The following RPP30 variants were observed in gnomAD, a reference collection of about 807,000 sequenced individuals.
The protein encoded by RPP30 is ribonuclease P/MRP subunit p30.
Under a neutral mutation model 38.6 loss-of-function variants are expected in RPP30, and 36 were observed. The ratio of observed to expected loss-of-function variants is 0.93; its 90% confidence interval spans 0.71 to 1.23. The LOEUF is 1.23. RPP30 is among the 50% of genes most tolerant of loss of function. RPP30 has a pLI of 0.00. For missense variants in RPP30, 321 were observed against 321.7 expected (o/e 1.00, Z 0.02); for synonymous variants, 126 against 112.7 (o/e 1.12, Z -0.75).
At chr10:90,889,008 G>C (rs550725434) in intron 6 of RPP30, among the ~76,000 whole-genome samples, 5 of 152,262 alleles carry the variant, frequency 3.3e-5, no homozygotes, top group African/African-American at 1.2e-4. Flanking sequence ...GGAAGCAGAA[G>C]AGTCCCTGTT....
At chr10:90,880,048 A>G (rs1202650509) in intron 5 of RPP30, 1 of 152,094 alleles carries the variant, frequency 6.6e-6, no homozygotes, top group African/African-American at 2.4e-5. Flanking sequence ...TTTAAAGACT[A>G]GTCAAGTGTC....
chr10:90,881,810 A>G (rs894154284), intron 5 of RPP30, among the ~76,000 whole-genome samples: 14 of 152,214 alleles, frequency 9.2e-5, no homozygotes, highest in African/African-American at 2.4e-4. Flanking sequence ...ACAGGTATCT[A>G]TCTCTGTAGG....
At chr10:90,895,412 A>C in intron 7 of RPP30, 42 bp from the exon 8 acceptor site, 2 of 1,161,836 alleles carry the variant, frequency 1.7e-6, no homozygotes, top group Non-Finnish European at 2.4e-6. Flanking sequence ...TCCTTTTTTT[A>C]CATTTATCTA....
At chr10:90,892,144 T>C (rs1022264438) in intron 6 of RPP30, among the ~76,000 whole-genome samples, 1 of 152,172 alleles carries the variant, frequency 6.6e-6, no homozygotes, top group Non-Finnish European at 1.5e-5. Context: ...AGAAATGTGA[T>C]CATCCACCCA....
At chr10:90,905,549 G>C (rs1847245243), downstream of RPP30, 1 of 152,208 alleles carries the variant, frequency 6.6e-6, no homozygotes, top group Admixed American at 6.5e-5. Flanking sequence ...AGGACTCTCA[G>C]TAAGTCACTT....
intron 1 of RPP30, 132 bp downstream of exon 1, chr10:90,872,200 T>C: frequency 1.3e-6 from 1 of 766,776 alleles, no homozygotes; most frequent in Admixed American, 2.1e-5. Flanking sequence ...TGGAGGCTGA[T>C]GCCCGCCGAG....
chr10:90,875,455 A>T (rs1040901882), intron 2 of RPP30, 103 bp from the exon 3 acceptor site: 51 of 819,262 alleles, frequency 6.2e-5, no homozygotes, highest in African/African-American at 2.8e-4. Context: ...CTTTCTTTTT[A>T]AAAAAAATGC....
intron 10 of RPP30, 98 bp from the exon 11 acceptor site, chr10:90,900,472 C>T (rs1296698198): frequency 1.7e-6 from 2 of 1,185,510 alleles, no homozygotes; most frequent in South Asian, 3.4e-5. Flanking sequence ...TATGGCTTAT[C>T]ATTTGCTATT....
chr10:90,874,157 C>T (rs1360107438), intron 1 of RPP30, among the ~76,000 whole-genome samples: 1 of 152,182 alleles, frequency 6.6e-6, no homozygotes, highest in Non-Finnish European at 1.5e-5. Flanking sequence ...AATATCCTTT[C>T]ATCCCCATTG....
chr10:90,876,248 C>T (rs1386922881), intron 4 of RPP30, 150 bp downstream of exon 4: 2 of 593,720 alleles, frequency 3.4e-6, no homozygotes, highest in African/African-American at 3.7e-5. Flanking sequence ...CCTCAGAATT[C>T]ACACAGTGTA....
In RPP30 at chr10:90,879,169, A is replaced by G. The variant is rs200490313; in HGVS notation, c.342+35A>G. ...AGATAAGTAAAAGAAAGTAGTGTATATATGTTATATAAGAAGTCTGATGTT... is the reference window on the plus strand; with the variant it reads ...AGATAAGTAAAAGAAAGTAGTGTATGTATGTTATATAAGAAGTCTGATGTT... On this transcript the variant is annotated intron_variant, in intron 5 of 10. Coordinates refer to ENST00000371703, the MANE Select transcript of RPP30 (RefSeq NM_006413.5). 18 of 1,502,524 alleles carry G rather than the reference A, an allele frequency of 1.2e-5. No homozygotes were observed. In the Admixed American group the frequency reaches 1.2e-4, roughly 10 times the overall value. 93.1% of individuals were successfully genotyped at this position (1,502,524 alleles called of 1,614,324 possible).
At chr10:90,887,452 G>A (rs185683965) in intron 6 of RPP30, among the ~76,000 whole-genome samples, 202 of 148,664 alleles carry the variant, frequency 1.4e-3, no homozygotes, top group Non-Finnish European at 2.4e-3. Flanking sequence ...GCACGATCTC[G>A]GCTCACTTCC....
rs545379201 is a variant in RPP30, at chr10:90,891,406, T to C, written c.433-3369T>C. Among the ~76,000 whole-genome samples, 5 of 152,356 alleles carry C rather than the reference T, an allele frequency of 3.3e-5. No homozygotes were observed. In the East Asian group the frequency reaches 9.6e-4, roughly 29 times the overall value. On this transcript the variant is annotated intron_variant, in intron 6 of 10. Transcript: ENST00000371703. ...GGGGCCTACCCTATTCCAATCTGAC[T>C]TCATCTTAACTAATTACATCTACAG... is the stretch of plus-strand genomic sequence containing the variant.
chr10:90,903,281 G>A (rs369055870), downstream of RPP30: 25 of 1,582,830 alleles, frequency 1.6e-5, no homozygotes, highest in Non-Finnish European at 2.1e-5. Flanking sequence ...TAAAAGGTTG[G>A]TACCCAAGTA....
At chr10:90,894,095 G>A (rs1163773729) in intron 6 of RPP30, among the ~76,000 whole-genome samples, 2 of 152,118 alleles carry the variant, frequency 1.3e-5, no homozygotes, top group Non-Finnish European at 2.9e-5. Flanking sequence ...TTTGCTGTGC[G>A]GCTATAAGCC....
Position 90,894,615 on chromosome 10 carries a change from G to T in RPP30, c.433-160G>T, listed in dbSNP as rs547186858. On this transcript the variant is annotated intron_variant, in intron 6 of 10. Transcript: ENST00000371703. ...CGGATTTATTTTCTTCTCCTTGTGG[G>T]TGGTGCCATTTGAGTGTTGATCTGT... Among the ~76,000 whole-genome samples, 4 of 152,278 alleles carry T rather than the reference G, an allele frequency of 2.6e-5. No homozygotes were observed. In the East Asian group the frequency reaches 7.7e-4, roughly 29 times the overall value.
At chr10:90,894,710 A>C (rs1771582073) in intron 6 of RPP30, 65 bp from the exon 7 acceptor site, 1 of 1,095,036 alleles carries the variant, frequency 9.1e-7, no homozygotes, top group Non-Finnish European at 1.4e-6. Context: ...TGAAGAGAGA[A>C]TCAGTGAAAA....
At chr10:90,903,312 T>C, downstream of RPP30, 1 of 1,369,772 alleles carries the variant, frequency 7.3e-7, no homozygotes. Flanking sequence ...TATTTTAAGC[T>C]TAAAATGCTT....
chr10:90,892,944 T>C (rs954235997), intron 6 of RPP30, among the ~76,000 whole-genome samples: 1 of 152,190 alleles, frequency 6.6e-6, no homozygotes, highest in Non-Finnish European at 1.5e-5. Flanking sequence ...GCAGTCTAGC[T>C]CTCAAGAAGT....
Sources: gnomAD v4.1 joint callset for allele counts (sites outside exome capture counted in the v4.1 genomes callset) on GRCh38, gnomAD v4.1.1 for gene constraint, MANE v1.5 for transcripts, NCBI Gene and HGNC (gene_info 2026-07-23, HGNC 2026-07-21) for gene names.